Variants in RNF217 observed in about 807,000 individuals in gnomAD.
The protein encoded by RNF217 is ring finger protein 217.
Under a neutral mutation model 57.8 loss-of-function variants are expected in RNF217, and 31 were observed. The ratio of observed to expected loss-of-function variants is 0.54; its 90% confidence interval spans 0.40 to 0.72. The LOEUF is 0.72. Among genes scored for constraint, RNF217 ranks in the 30% least tolerant of loss-of-function variants. The pLI, the probability that RNF217 is intolerant of heterozygous loss-of-function variation, is 0.00. For synonymous variants in RNF217, 313 were observed against 294.0 expected (o/e 1.06, Z -0.66); for missense variants, 696 against 708.3 (o/e 0.98, Z 0.20).
chr6:124,964,654 G>A (rs1783462880), intron 1 of RNF217, among the ~76,000 whole-genome samples: 1 of 152,172 alleles, frequency 6.6e-6, no homozygotes, highest in African/African-American at 2.4e-5. Flanking sequence ...TAAACAGTAA[G>A]TTGGCTAAAA....
intron 2 of RNF217, among the ~76,000 whole-genome samples, chr6:125,055,244 A>T (rs904429745): frequency 2.0e-5 from 3 of 152,144 alleles, no homozygotes; most frequent in African/African-American, 7.2e-5. Context: ...ATCCAGTATG[A>T]GTTTAACTTA....
At chr6:125,054,783 T>A (rs1350525337) in intron 2 of RNF217, among the ~76,000 whole-genome samples, 1 of 152,064 alleles carries the variant, frequency 6.6e-6, no homozygotes, top group Non-Finnish European at 1.5e-5. Context: ...CTTGTGAAAA[T>A]GTGCACTTTT....
Position 124,962,628 on chromosome 6 carries a change from T to G in RNF217, c.84T>G (p.Pro28=), listed in dbSNP as rs2114961782. ...QTLASGTAGH[P]EPPRPQGDSA... ...TGGCCAGTGGCACTGCGGGCCACCC[T>G]GAGCCCCCGAGGCCTCAGGGGGACA... Residue 28 remains proline, a synonymous_variant, in exon 1 of 6, where the codon CCT becomes CCG. Transcript: ENST00000521654. This position sits in a 1 kb window ranked among gnomAD's most constrained non-coding sequence, Gnocchi z 4.6. 1.5e-6 allele frequency: 2 copies of G among 1,321,762 alleles called. No individual in the cohort carries two copies. The highest frequency in any genetic ancestry group is 9.6e-7 in the Non-Finnish European group (1 of 1,046,554). The allele number at this position is 1,321,762 out of a possible 1,614,324, so 81.9% of individuals were successfully genotyped here.
At chr6:124,990,119 C>T (rs1432632555) in intron 1 of RNF217, among the ~76,000 whole-genome samples, 2 of 152,204 alleles carry the variant, frequency 1.3e-5, no homozygotes, top group Non-Finnish European at 2.9e-5. Context: ...CCTTGAAATA[C>T]TTTCTTCACT....
At chr6:124,967,641 G>A (rs1227329993) in intron 1 of RNF217, among the ~76,000 whole-genome samples, 1 of 152,170 alleles carries the variant, frequency 6.6e-6, no homozygotes, top group African/African-American at 2.4e-5. Context: ...GAACAAAACA[G>A]CTGCTAGATG....
intron 1 of RNF217, among the ~76,000 whole-genome samples, chr6:125,030,506 A>C (rs1036336925): frequency 6.6e-6 from 1 of 152,218 alleles, no homozygotes; most frequent in Non-Finnish European, 1.5e-5. Context: ...AGTCATTCCA[A>C]ATGGGAGCTA....
At chr6:124,993,043 C>T (rs1481499644) in intron 1 of RNF217, among the ~76,000 whole-genome samples, 2 of 152,006 alleles carry the variant, frequency 1.3e-5, no homozygotes, top group Non-Finnish European at 2.9e-5. Context: ...GTATTATTGG[C>T]AAATTTATAG....
At chr6:125,032,776 A>G (rs942029467) in intron 1 of RNF217, among the ~76,000 whole-genome samples, 1 of 152,148 alleles carries the variant, frequency 6.6e-6, no homozygotes, top group Non-Finnish European at 1.5e-5. Flanking sequence ...GCATAAGAGG[A>G]TAAGGGAGCA....
chr6:125,021,625 T>C (rs1193606760), intron 1 of RNF217, among the ~76,000 whole-genome samples: 1 of 152,178 alleles, frequency 6.6e-6, no homozygotes. Flanking sequence ...TCAGAGTACA[T>C]GTAGAATAAA....
chr6:125,048,305 T>C (rs1357039485), intron 2 of RNF217: 3 of 1,295,406 alleles, frequency 2.3e-6, no homozygotes, highest in Non-Finnish European at 2.0e-6. Context: ...TCAGTTTCCC[T>C]AATAAAATAA....
intron 1 of RNF217, chr6:125,009,141 C>G (rs930248780): frequency 7.3e-7 from 1 of 1,365,122 alleles, no homozygotes; most frequent in East Asian, 2.4e-5. Flanking sequence ...GTTCTTTGAC[C>G]TTTTGCCATT....
rs1215205613 is a variant in RNF217, at chr6:125,085,935, T to C, written c.*2998T>C. 6.6e-6 allele frequency: 1 copy of C among 152,026 alleles called. No individual in the cohort carries two copies. The highest frequency in any genetic ancestry group is 2.4e-5 in the African/African-American group (1 of 41,450). 9.4% of individuals were successfully genotyped at this position (152,026 alleles called of 1,614,324 possible). On this transcript the variant is annotated 3_prime_UTR_variant, in exon 6 of 6. Coordinates refer to ENST00000521654, the MANE Select transcript of RNF217 (RefSeq NM_001286398.3). ...TAAATAGATTTACCTCATTCTTTTA[T>C]AAATTACTGCATAATCCATTGTAGG...
At chr6:125,026,226 G>A (rs1364700980) in intron 1 of RNF217, among the ~76,000 whole-genome samples, 2 of 152,198 alleles carry the variant, frequency 1.3e-5, no homozygotes, top group African/African-American at 4.8e-5. Flanking sequence ...AACCTGGGTA[G>A]ACATCTGCAG....
At chr6:125,065,130 A>AT (rs1787888456) in intron 3 of RNF217, among the ~76,000 whole-genome samples, 1 of 151,664 alleles carries the variant, frequency 6.6e-6, no homozygotes, top group African/African-American at 2.4e-5. Flanking sequence ...AAAATAAAAG[A>AT]TAAAAAAAAA....
Position 125,039,598 on chromosome 6 carries a change from C to CTAA in RNF217, c.883-5610_883-5608dup, listed in dbSNP as rs1786793172. ...GAACTCAGCTCTGGATCAAGTAGAC[C>CTAA]TAATAGACATCTACAGAACTCTCCA... On this transcript the variant is annotated intron_variant, in intron 1 of 5. Coordinates refer to ENST00000521654, the MANE Select transcript of RNF217 (RefSeq NM_001286398.3). 3.9e-5 allele frequency among the ~76,000 whole-genome samples: 6 copies of CTAA among 152,126 alleles called. No homozygotes were observed. The South Asian group carries it at 1.2e-3, about 32-fold the overall frequency.
At chr6:125,028,037 A>G (rs1230985409) in intron 1 of RNF217, among the ~76,000 whole-genome samples, 3 of 152,100 alleles carry the variant, frequency 2.0e-5, no homozygotes, top group African/African-American at 4.8e-5. Flanking sequence ...ATTTCTTATC[A>G]GAGGAGTAGT....
chr6:125,040,766 G>T (rs938109764), intron 1 of RNF217, among the ~76,000 whole-genome samples: 1 of 152,144 alleles, frequency 6.6e-6, no homozygotes, highest in Non-Finnish European at 1.5e-5. Context: ...TCATCCCTGG[G>T]ATGCAAGACT....
At chr6:124,987,927 G>A (rs1784418043) in intron 1 of RNF217, among the ~76,000 whole-genome samples, 1 of 152,122 alleles carries the variant, frequency 6.6e-6, no homozygotes, top group Admixed American at 6.5e-5. Context: ...ACATTAGAAA[G>A]TCTGCAGCAA....
At chr6:124,995,055 T>C (rs867958356) in intron 1 of RNF217, among the ~76,000 whole-genome samples, 11 of 152,212 alleles carry the variant, frequency 7.2e-5, no homozygotes, top group African/African-American at 2.7e-4. Flanking sequence ...TAAAACAAGA[T>C]TATTTCTCAT....
Sources: allele counts gnomAD v4.1 joint callset (sites outside exome capture counted in the v4.1 genomes callset), GRCh38; gene constraint gnomAD v4.1.1; non-coding constraint Gnocchi (gnomAD v3.1); transcripts MANE v1.5; gene names NCBI Gene and HGNC (gene_info 2026-07-23, HGNC 2026-07-21).